The following LRRC7 variants were observed in gnomAD, a reference collection of about 807,000 sequenced individuals.
LRRC7 encodes leucine-rich repeat-containing protein 7.
Under a neutral mutation model 175.7 loss-of-function variants are expected in LRRC7, and 23 were observed. That is an observed-to-expected ratio of 0.13 (90% confidence interval 0.09 to 0.19). The LOEUF (loss-of-function observed/expected upper bound fraction) is 0.19, where lower values mean the gene tolerates loss of function less well. LRRC7 is among the 10% of genes least tolerant of loss of function. The pLI is 1.00. For synonymous variants in LRRC7, 685 were observed against 680.9 expected (o/e 1.01, Z -0.09); for missense variants, 1,354 against 1,904.7 (o/e 0.71, Z 5.38).
At chr1:70,035,267 A>G (rs1203020243) in intron 18 of LRRC7, among the ~76,000 whole-genome samples, 2 of 152,158 alleles carry the variant, frequency 1.3e-5, no homozygotes, top group African/African-American at 4.8e-5. Flanking sequence ...TATCTAGAAG[A>G]AAGTGAGAAT....
chr1:70,064,639 T>TTTGTTGTTGTTGTTGTTG (rs60880306), intron 23 of LRRC7, among the ~76,000 whole-genome samples: 1 of 151,004 alleles, frequency 6.6e-6, no homozygotes, highest in Non-Finnish European at 1.5e-5. Flanking sequence ...TGCTTGGTAT[T>TTTGTTGTTGTTGTTGTTG]TTGTTGTTGT....
At chr1:69,733,267 A>ACTTG (rs1212256359) in intron 2 of LRRC7, among the ~76,000 whole-genome samples, 1 of 151,972 alleles carries the variant, frequency 6.6e-6, no homozygotes, top group African/African-American at 2.4e-5. Flanking sequence ...TCCTGATGAT[A>ACTTG]CTTGATGTTC....
Position 70,126,652 on chromosome 1 carries a change from G to GT in LRRC7, c.*4766dup. 6.6e-6 allele frequency among the ~76,000 whole-genome samples: 1 copy of GT among 152,290 alleles called. No homozygotes were observed. Among genetic ancestry groups the GT allele is most frequent in the East Asian group, 1.9e-4 (1 of 5,182 alleles). On this transcript the variant is annotated 3_prime_UTR_variant, in exon 27 of 27. Transcript: ENST00000651989. ...ATACATTATAGCAAGAAAACAGAAT[G>GT]TGGGCTGTGGACAAATAGATGTGCG... is the stretch of plus-strand genomic sequence containing the variant.
chr1:69,695,518 C>T (rs1443888288), intron 2 of LRRC7, among the ~76,000 whole-genome samples: 1 of 152,118 alleles, frequency 6.6e-6, no homozygotes, highest in Non-Finnish European at 1.5e-5. Flanking sequence ...TCAAAGCCAC[C>T]ACCTGCTAGA....
intron 7 of LRRC7, among the ~76,000 whole-genome samples, chr1:69,884,914 A>G (rs1329772691): frequency 6.8e-6 from 1 of 147,952 alleles, no homozygotes; most frequent in Non-Finnish European, 1.5e-5. Flanking sequence ...ATGCTGGATT[A>G]CATTTATTGA....
intron 1 of LRRC7, among the ~76,000 whole-genome samples, chr1:69,674,624 C>T (rs745777239): frequency 6.6e-6 from 1 of 152,132 alleles, no homozygotes; most frequent in Non-Finnish European, 1.5e-5. Flanking sequence ...CGACAACCCA[C>T]TTTTATCCCT....
intron 1 of LRRC7, among the ~76,000 whole-genome samples, chr1:69,612,877 C>T (rs1390619132): frequency 2.6e-5 from 4 of 151,980 alleles, no homozygotes; most frequent in Non-Finnish European, 2.9e-5. Flanking sequence ...AAGTAGCTTG[C>T]CCAAGATCAC....
At chr1:69,884,887 T>C (rs7526281) in intron 7 of LRRC7, among the ~76,000 whole-genome samples, 56,238 of 138,014 alleles carry the variant, frequency 0.41, 12,567 homozygotes, top group East Asian at 0.53. Flanking sequence ...GTGGTTTTTG[T>C]CTTTGGCTCT....
rs141732988 is a variant in LRRC7 at position 69,868,922 on chromosome 1, C to CATATAT, written c.647+30650_647+30655dup. 3.6e-3 allele frequency among the ~76,000 whole-genome samples: 535 copies of CATATAT among 148,600 alleles called. 3 individuals are homozygous for CATATAT. The highest frequency in any genetic ancestry group is 0.023 in the East Asian group (113 of 5,022). On this transcript the variant is annotated intron_variant, in intron 7 of 26. Coordinates refer to ENST00000651989, the MANE Select transcript of LRRC7 (RefSeq NM_001370785.2). ...ATGTATGTATATATGTACATATGTACATATATATATATATATCTTAATCTC... is the reference window on the plus strand; with the variant it reads ...ATGTATGTATATATGTACATATGTACATATATATATATATATATATATCTTAATCTC...
intron 23 of LRRC7, among the ~76,000 whole-genome samples, chr1:70,054,725 G>A (rs552339179): frequency 9.3e-5 from 14 of 150,498 alleles, no homozygotes; most frequent in South Asian, 2.1e-4. Flanking sequence ...TCAGCCTCCC[G>A]AGTAGCTGGG....
At chr1:69,871,432 C>G (rs1028305637) in intron 7 of LRRC7, among the ~76,000 whole-genome samples, 2 of 151,880 alleles carry the variant, frequency 1.3e-5, no homozygotes, top group Non-Finnish European at 2.9e-5. Flanking sequence ...TTAAGTTGCA[C>G]GTTTCAGAAT....
chr1:70,065,723 T>C (rs953712558), intron 23 of LRRC7, among the ~76,000 whole-genome samples: 15 of 151,982 alleles, frequency 9.9e-5, no homozygotes, highest in African/African-American at 2.7e-4. Flanking sequence ...ATATTAGTCA[T>C]GTTAATAGTG....
chr1:70,049,721 C>T (rs1660606377), intron 22 of LRRC7, among the ~76,000 whole-genome samples: 1 of 152,004 alleles, frequency 6.6e-6, no homozygotes, highest in Non-Finnish European at 1.5e-5. Flanking sequence ...TATGAAATCA[C>T]TGTCATTTAG....
chr1:70,024,301 ATATAT>A (rs1247467549), intron 17 of LRRC7, among the ~76,000 whole-genome samples: 6 of 150,730 alleles, frequency 4.0e-5, no homozygotes, highest in Admixed American at 2.6e-4. Context: ...ATATTACATA[ATATAT>A]TATAATATAT....
At chr1:69,611,573 C>A (rs2100254609) in intron 1 of LRRC7, among the ~76,000 whole-genome samples, 1 of 152,102 alleles carries the variant, frequency 6.6e-6, no homozygotes, top group East Asian at 1.9e-4. Context: ...TTTAAAGACA[C>A]TTCACTTCAT....
chr1:70,005,346 C>G (rs1655907962), intron 11 of LRRC7, among the ~76,000 whole-genome samples: 1 of 152,154 alleles, frequency 6.6e-6, no homozygotes, highest in Non-Finnish European at 1.5e-5. Flanking sequence ...TTATTATCAT[C>G]TACATTGATC....
chr1:69,687,306 C>T (rs754083546), intron 2 of LRRC7, among the ~76,000 whole-genome samples: 1 of 151,696 alleles, frequency 6.6e-6, no homozygotes, highest in Non-Finnish European at 1.5e-5. Flanking sequence ...GTCGGGAATT[C>T]GACACCAGTC....
chr1:70,069,879 T>G (rs1355266649), intron 23 of LRRC7, among the ~76,000 whole-genome samples: 2 of 152,248 alleles, frequency 1.3e-5, no homozygotes, highest in Non-Finnish European at 2.9e-5. Context: ...TTCTACAGTC[T>G]GCTGTTAAAC....
At chr1:69,933,789 T>C (rs533230987) in intron 8 of LRRC7, among the ~76,000 whole-genome samples, 3 of 152,326 alleles carry the variant, frequency 2.0e-5, no homozygotes, top group African/African-American at 7.2e-5. Context: ...TTTTCAAAAC[T>C]AGTTGTACTA....
Sources: allele counts gnomAD v4.1 joint callset (sites outside exome capture counted in the v4.1 genomes callset), GRCh38; gene constraint gnomAD v4.1.1; transcripts MANE v1.5; gene names NCBI Gene and HGNC (gene_info 2026-07-23, HGNC 2026-07-21).